Variants in CSPP1 observed in about 807,000 individuals in gnomAD.
CSPP1 encodes centrosome and spindle pole associated protein 1.
In CSPP1, 126 loss-of-function variants were observed where a neutral mutation model predicts 164.4. The observed-to-expected ratio is 0.77, with a 90% CI of 0.66 to 0.89. The LOEUF (loss-of-function observed/expected upper bound fraction) is 0.89, where lower values mean the gene tolerates loss of function less well. Ranked by LOEUF, CSPP1 falls within the 40% of genes least tolerant of loss-of-function variation. The pLI, the probability that CSPP1 is intolerant of heterozygous loss-of-function variation, is 0.00. For synonymous variants in CSPP1, 472 were observed against 476.7 expected (o/e 0.99, Z 0.13); for missense variants, 1,395 against 1,449.8 (o/e 0.96, Z 0.61).
Position 67,188,292 on chromosome 8 carries a change from G to A in CSPP1, c.3221-2358G>A, listed in dbSNP as rs141077241. Among the ~76,000 whole-genome samples the A allele has an allele frequency of 2.1e-3, 321 of 152,348 alleles. 11 individuals carry two copies. In the East Asian group the frequency reaches 0.057, roughly 27 times the overall value. On this transcript the variant is annotated intron_variant, in intron 28 of 30. Transcript: ENST00000678616. ...TGCTACTGAGAGACAGGACTAGCTG[G>A]ATTTCAAATCTAGGCCGACTAAGAA...
At chr8:67,101,768 C>T (rs1814172470) in intron 7 of CSPP1, among the ~76,000 whole-genome samples, 1 of 151,166 alleles carries the variant, frequency 6.6e-6, no homozygotes, top group African/African-American at 2.4e-5. Flanking sequence ...TGAGAAGTTT[C>T]TTTTTTTTTC....
chr8:67,145,734 G>T (rs1285354490), intron 17 of CSPP1, among the ~76,000 whole-genome samples: 1 of 151,796 alleles, frequency 6.6e-6, no homozygotes, highest in African/African-American at 2.4e-5. Flanking sequence ...CACCATACTG[G>T]CCAGGCTGGT....
intron 25 of CSPP1, among the ~76,000 whole-genome samples, chr8:67,173,210 G>C (rs1830820944): frequency 6.6e-6 from 1 of 152,084 alleles, no homozygotes; most frequent in Admixed American, 6.5e-5. Flanking sequence ...AGGAGAAAGA[G>C]GTTCAGGCTC....
chr8:67,093,055 C>T (rs571918587), intron 5 of CSPP1, among the ~76,000 whole-genome samples: 11 of 152,052 alleles, frequency 7.2e-5, no homozygotes, highest in Non-Finnish European at 1.3e-4. Flanking sequence ...TGACAGATCT[C>T]CTGGCAAACA....
intron 14 of CSPP1, 146 bp from the exon 15 acceptor site, chr8:67,118,597 T>A: frequency 1.4e-6 from 1 of 721,558 alleles, no homozygotes; most frequent in East Asian, 2.8e-5. Context: ...ATGTTGTTCT[T>A]TGCTAACTTC....
chr8:67,129,808 C>T (rs1363127613), intron 15 of CSPP1, among the ~76,000 whole-genome samples: 3 of 152,154 alleles, frequency 2.0e-5, no homozygotes, highest in Admixed American at 2.0e-4. Context: ...TCTATAGAGA[C>T]AGCAGGCTAC....
intron 19 of CSPP1, 101 bp downstream of exon 19, chr8:67,154,237 A>G: frequency 3.2e-6 from 2 of 629,556 alleles, no homozygotes; most frequent in Non-Finnish European, 2.8e-6. Context: ...AAAATGCCAT[A>G]CTGTTATCTA....
chr8:67,088,760 G>C (rs1415684422), intron 4 of CSPP1, among the ~76,000 whole-genome samples: 1 of 151,632 alleles, frequency 6.6e-6, no homozygotes, highest in African/African-American at 2.4e-5. Context: ...AGCCTGGCGT[G>C]GTGGCAGGCG....
At chr8:67,077,945 A>C (rs1353284421) in intron 3 of CSPP1, among the ~76,000 whole-genome samples, 1 of 152,226 alleles carries the variant, frequency 6.6e-6, no homozygotes, top group Non-Finnish European at 1.5e-5. Context: ...AATTATTAAT[A>C]TACAGCATTA....
At position 67,194,776 on chromosome 8, in the gene CSPP1, A is replaced by G. The variant is rs866711904; in HGVS notation, c.3470-606A>G. Among the ~76,000 whole-genome samples, 5 of 152,264 alleles carry G rather than the reference A, an allele frequency of 3.3e-5. No homozygotes were observed. In the Middle Eastern group the frequency reaches 0.01, roughly 311 times the overall value. ...AATAATAAATAAAAGTAAAATACAG[A>G]TAGAAGTTGCGTACAATCAATCAGA... On this transcript the variant is annotated intron_variant, in intron 30 of 30. Transcript: ENST00000678616.
At position 67,093,373 on chromosome 8, in the gene CSPP1, A is replaced by C. The variant is rs528966143; in HGVS notation, c.385-170A>C. Among the ~76,000 whole-genome samples the C allele has an allele frequency of 5.9e-5, 9 of 152,278 alleles. No individual in the cohort carries two copies. The East Asian group carries it at 1.7e-3, about 29-fold the overall frequency. The stretch of plus-strand genomic sequence containing the variant: ...TATGTGTGTCCTCAAACCTCTTCCG[A>C]CTTCTCCCATGCCTTTCAGTGACAT... On this transcript the variant is annotated intron_variant, in intron 5 of 30. Coordinates refer to ENST00000678616, the MANE Select transcript of CSPP1 (RefSeq NM_001382391.1).
At chr8:67,120,055 G>T (rs1818681583) in intron 15 of CSPP1, among the ~76,000 whole-genome samples, 1 of 152,022 alleles carries the variant, frequency 6.6e-6, no homozygotes, top group African/African-American at 2.4e-5. Context: ...TTATGGTATT[G>T]CATAAGGGTT....
intron 17 of CSPP1, among the ~76,000 whole-genome samples, chr8:67,139,459 G>A: frequency 2.0e-5 from 3 of 151,060 alleles, no homozygotes; most frequent in African/African-American, 4.9e-5. Context: ...TCTAGAACTA[G>A]AAATACCATT....
At chr8:67,175,633 G>A in intron 26 of CSPP1, 197 bp downstream of exon 26, 1 of 698,840 alleles carries the variant, frequency 1.4e-6, no homozygotes, top group South Asian at 1.5e-5. Flanking sequence ...CTAGGGTGGT[G>A]TATTCATGCA....
intron 6 of CSPP1, 95 bp downstream of exon 6, chr8:67,093,736 T>C: frequency 1.4e-6 from 1 of 692,648 alleles, no homozygotes; most frequent in Non-Finnish European, 2.4e-6. Context: ...CATTTTACTT[T>C]TTTTTGTAAA....
At chr8:67,141,124 C>A (rs1466992362) in intron 17 of CSPP1, among the ~76,000 whole-genome samples, 1 of 152,116 alleles carries the variant, frequency 6.6e-6, no homozygotes, top group Non-Finnish European at 1.5e-5. Flanking sequence ...TGGGATAGAG[C>A]AGTTTTCTAA....
chr8:67,175,428 G>A lies in CSPP1; in HGVS notation c.3101G>A (p.Gly1034Asp). The A allele has an allele frequency of 6.2e-7, 1 of 1,614,138 alleles. No homozygotes were observed. The highest frequency in any genetic ancestry group is 8.5e-7 in the Non-Finnish European group (1 of 1,179,986). The change falls in exon 26 of 31, where the codon GGT becomes GAT. Residue 1034 changes from glycine to aspartate, a missense_variant. By Grantham distance (94) the Gly-to-Asp change is moderately conservative. Coordinates refer to ENST00000678616, the MANE Select transcript of CSPP1 (RefSeq NM_001382391.1). Reference sequence around the variant, plus strand: ...CTGAACAGAATAAAAATGCAGGAAGGTGCCAAAGGTAAGAAATAATCATTG... The same window carrying A: ...CTGAACAGAATAAAAATGCAGGAAGATGCCAAAGGTAAGAAATAATCATTG... ...KRLNRIKMQE[G>D]AKVDLDAIPS... is the part of the protein sequence containing the mutation.
intron 3 of CSPP1, among the ~76,000 whole-genome samples, chr8:67,082,193 G>T (rs1416956925): frequency 6.6e-6 from 1 of 152,140 alleles, no homozygotes; most frequent in African/African-American, 2.4e-5. Context: ...GATTACAGGT[G>T]CCTGCCACCA....
At chr8:67,194,095 T>C (rs1297096560) in intron 30 of CSPP1, among the ~76,000 whole-genome samples, 5 of 152,198 alleles carry the variant, frequency 3.3e-5, no homozygotes, top group Admixed American at 2.0e-4. Context: ...TTTTTGTGAC[T>C]TGCAGGTTAA....
Sources: gnomAD v4.1 joint callset for allele counts (sites outside exome capture counted in the v4.1 genomes callset) on GRCh38, gnomAD v4.1.1 for gene constraint, MANE v1.5 for transcripts, NCBI Gene and HGNC (gene_info 2026-07-23, HGNC 2026-07-21) for gene names.